Variants in LDLRAP1 observed in about 807,000 individuals in gnomAD.
LDLRAP1 encodes the protein low density lipoprotein receptor adaptor protein 1.
A neutral mutation model predicts 37.8 loss-of-function variants in LDLRAP1; 30 were observed. The ratio of observed to expected loss-of-function variants is 0.79; its 90% confidence interval spans 0.59 to 1.08. LDLRAP1 has a LOEUF of 1.08. LDLRAP1 is among the 50% of genes least tolerant of loss of function. LDLRAP1 has a pLI of 0.00. For synonymous variants in LDLRAP1, 156 were observed against 169.8 expected (o/e 0.92, Z 0.63); for missense variants, 375 against 401.6 (o/e 0.93, Z 0.57).
intron 3 of LDLRAP1, among the ~76,000 whole-genome samples, 196 bp from the exon 4 acceptor site, chr1:25,556,957 C>T (rs1275665358): frequency 6.6e-6 from 1 of 152,196 alleles, no homozygotes; most frequent in Non-Finnish European, 1.5e-5. Context: ...TTCCTTCCTT[C>T]CTGCCTGGCC....
chr1:25,563,730 A>C lies in LDLRAP1; in HGVS notation c.686A>C (p.Asn229Thr). 6.2e-7 allele frequency: 1 copy of C among 1,614,028 alleles called. No homozygotes were observed. Among genetic ancestry groups the C allele is most frequent in the Non-Finnish European group, 8.5e-7 (1 of 1,180,022 alleles). The stretch of plus-strand genomic sequence containing the variant: ...GCCCCGCTGTCCACGGTCAGCGCCA[A>C]CACCACCAACATGGACGAGGTGCCG... The part of the protein sequence containing the change: ...AKAPLSTVSA[N>T]TTNMDEVPRP... The change falls in exon 7 of 9, where the codon AAC becomes ACC. Residue 229 changes from asparagine (N) to threonine (T), a missense_variant. Coordinates refer to ENST00000374338, the MANE Select transcript of LDLRAP1 (RefSeq NM_015627.3).
At chr1:25,577,184 A>G in the LDLRAP1 span, among the ~76,000 whole-genome samples, 1 of 152,224 alleles carries the variant, frequency 6.6e-6, no homozygotes, top group Non-Finnish European at 1.5e-5. Flanking sequence ...AGCTCATTAC[A>G]TTTAATTAGA....
chr1:25,557,517 G>C, intron 4 of LDLRAP1: 1 of 567,310 alleles, frequency 1.8e-6, no homozygotes, highest in African/African-American at 1.9e-5. Flanking sequence ...TGTGTGTCTG[G>C]GCCTGTTCTC....
chr1:25,554,438 G>A lies in LDLRAP1; in HGVS notation c.231+374G>A, dbSNP rs2044152454. ...AGCAGATTGCCCCCTCCCTAACTTT[G>A]AGCAAGGGTGGGCCTTTTAAATCCA... On this transcript the variant is annotated intron_variant, in intron 2 of 8. Transcript: ENST00000374338. The surrounding 1 kb of genome is among the most constrained non-coding windows in gnomAD (Gnocchi z 5.4). 6.6e-6 allele frequency among the ~76,000 whole-genome samples: 1 copy of A among 152,176 alleles called. No homozygotes were observed. Among genetic ancestry groups the A allele is most frequent in the Admixed American group, 6.5e-5 (1 of 15,276 alleles).
At chr1:25,543,843 C>T (rs1464325919) in intron 1 of LDLRAP1, 57 bp downstream of exon 1, 3 of 1,120,232 alleles carry the variant, frequency 2.7e-6, no homozygotes, top group African/African-American at 1.6e-5. Context: ...CGCGCGGGGC[C>T]TCCGCGGGCG....
Position 25,553,510 on chromosome 1 carries a change from GC to G in LDLRAP1, c.89-411del, listed in dbSNP as rs1475446246. On this transcript the variant is annotated intron_variant, in intron 1 of 8. Coordinates refer to ENST00000374338, the MANE Select transcript of LDLRAP1 (RefSeq NM_015627.3). ...TAATGAGAACATTTTATGTAAAGCTGCTTACATGGAGCCTTGGTATGTGCCG... is the reference window on the plus strand; with the variant it reads ...TAATGAGAACATTTTATGTAAAGCTGTTACATGGAGCCTTGGTATGTGCCG... 5 of 234,238 alleles carry G rather than the reference GC, an allele frequency of 2.1e-5. No individual in the cohort carries two copies. The Admixed American group carries it at 2.6e-4, about 12-fold the overall frequency. 14.5% of individuals were successfully genotyped at this position (234,238 alleles called of 1,614,324 possible).
chr1:25,576,694 C>T, the LDLRAP1 span, among the ~76,000 whole-genome samples: 11 of 152,222 alleles, frequency 7.2e-5, no homozygotes, highest in South Asian at 2.1e-4. Flanking sequence ...CAGAAAGGAA[C>T]GGGGCCAAGA....
At chr1:25,562,417 C>T (rs1388544139) in intron 4 of LDLRAP1, among the ~76,000 whole-genome samples, 1 of 152,224 alleles carries the variant, frequency 6.6e-6, no homozygotes, top group Non-Finnish European at 1.5e-5. Flanking sequence ...GGGGACTCTA[C>T]TGCCTCTGCG....
the LDLRAP1 span, among the ~76,000 whole-genome samples, chr1:25,583,513 T>C: frequency 6.6e-6 from 1 of 152,122 alleles, no homozygotes; most frequent in Admixed American, 6.5e-5. Context: ...TTAAAAAAAA[T>C]CTTTGGTATT....
At chr1:25,564,776 T>A in intron 7 of LDLRAP1, 1 of 193,140 alleles carries the variant, frequency 5.2e-6, no homozygotes, top group Non-Finnish European at 1.1e-5. Flanking sequence ...GAAAACTCCC[T>A]TCCCCACCCT....
intron 4 of LDLRAP1, 135 bp downstream of exon 4, chr1:25,557,402 C>T (rs1043837970): frequency 5.6e-6 from 4 of 714,410 alleles, no homozygotes; most frequent in Non-Finnish European, 9.7e-6. Context: ...TCTCTGGGAA[C>T]CCCAAGTGGG....
At chr1:25,583,903 C>T in the LDLRAP1 span, among the ~76,000 whole-genome samples, 7 of 152,186 alleles carry the variant, frequency 4.6e-5, no homozygotes, top group Non-Finnish European at 1.0e-4. Flanking sequence ...GGTCTTTTGT[C>T]TGGCTTCTCT....
At chr1:25,566,728 C>G in intron 8 of LDLRAP1, 120 bp from the exon 9 acceptor site, 1 of 1,253,610 alleles carries the variant, frequency 8.0e-7, no homozygotes, top group Non-Finnish European at 1.1e-6. Flanking sequence ...CTCCCCTGCA[C>G]CGGGGGCTTC....
rs1300455725 is a variant in LDLRAP1, at chr1:25,544,564, GGGGCGTCT to G, written c.88+782_88+789del. On this transcript the variant is annotated intron_variant, in intron 1 of 8. Coordinates refer to ENST00000374338, the MANE Select transcript of LDLRAP1 (RefSeq NM_015627.3). This position sits in a 1 kb window ranked among gnomAD's most constrained non-coding sequence, Gnocchi z 4.8. Reference sequence around the variant, plus strand: ...GACAGACTCGCCGCCACCTCTCCCTGGGGCGTCTGGGAGGCTGGGAGGGGCCTCCCCCC... The same window carrying G: ...GACAGACTCGCCGCCACCTCTCCCTGGGGAGGCTGGGAGGGGCCTCCCCCC... Among the ~76,000 whole-genome samples, 2 of 152,218 alleles carry G rather than the reference GGGGCGTCT, an allele frequency of 1.3e-5. No individual in the cohort carries two copies. Among genetic ancestry groups the G allele is most frequent in the African/African-American group, 2.4e-5 (1 of 41,458 alleles).
chr1:25,551,808 C>G (rs74060919), intron 1 of LDLRAP1, among the ~76,000 whole-genome samples: 23,900 of 151,898 alleles, frequency 0.16, 4,097 homozygotes, highest in African/African-American at 0.43. Flanking sequence ...TGGAGGGTCA[C>G]TGGGCCTGGG....
chr1:25,571,131 C>G (rs944840823), downstream of LDLRAP1, among the ~76,000 whole-genome samples: 1 of 152,212 alleles, frequency 6.6e-6, no homozygotes, highest in Non-Finnish European at 1.5e-5. Flanking sequence ...CAAACCCCAA[C>G]CGACCTGGTG....
the LDLRAP1 span, among the ~76,000 whole-genome samples, chr1:25,587,613 G>A: frequency 1.3e-5 from 2 of 152,226 alleles, no homozygotes; most frequent in Admixed American, 6.5e-5. Flanking sequence ...GACTTGTGCT[G>A]GAACCAGAAG....
intron 5 of LDLRAP1, 38 bp downstream of exon 5, chr1:25,562,754 G>A (rs765724895): frequency 6.3e-7 from 1 of 1,583,592 alleles, no homozygotes; most frequent in Non-Finnish European, 8.7e-7. Flanking sequence ...GTGGTGGGAG[G>A]TGGGGAGACA....
At chr1:25,543,808 G>C (rs1355327112) in intron 1 of LDLRAP1, 22 bp downstream of exon 1, 11 of 1,196,868 alleles carry the variant, frequency 9.2e-6, no homozygotes, top group Non-Finnish European at 1.1e-5. Context: ...CGCGTCAGCC[G>C]GGCCGGGCCG....
Sources: allele counts gnomAD v4.1 joint callset (sites outside exome capture counted in the v4.1 genomes callset), GRCh38; gene constraint gnomAD v4.1.1; non-coding constraint Gnocchi (gnomAD v3.1); transcripts MANE v1.5; gene names NCBI Gene and HGNC (gene_info 2026-07-23, HGNC 2026-07-21).